Variants in RAE1 observed in about 807,000 individuals in gnomAD.
RAE1 encodes ribonucleic acid export 1.
In RAE1, 13 loss-of-function variants were observed where a neutral mutation model predicts 52.7. That is an observed-to-expected ratio of 0.25 (90% CI 0.16 to 0.39). The LOEUF (loss-of-function observed/expected upper bound fraction) is 0.39. Ranked by LOEUF, RAE1 falls within the 10% of genes least tolerant of loss-of-function variation. The pLI, the probability that RAE1 is intolerant of heterozygous loss-of-function variation, is 1.00. For synonymous variants in RAE1, 164 were observed against 153.1 expected, an observed-to-expected ratio of 1.07 and a Z score of -0.52; for missense variants, 262 against 459.8, an observed-to-expected ratio of 0.57 and a Z score of 3.93.
chr20:57,352,860 C>T (rs1046820765), intron 1 of RAE1, among the ~76,000 whole-genome samples: 1 of 152,214 alleles, frequency 6.6e-6, no homozygotes, highest in Non-Finnish European at 1.5e-5. Flanking sequence ...TGCCTTTGTT[C>T]GTTCATACAG....
intron 4 of RAE1, among the ~76,000 whole-genome samples, chr20:57,365,123 A>G (rs559631083): frequency 2.6e-5 from 4 of 152,302 alleles, no homozygotes; most frequent in Admixed American, 6.5e-5. Context: ...GTGATTTCTG[A>G]TTTTTAAAAT....
chr20:57,351,502 G>A, intron 1 of RAE1, 80 bp downstream of exon 1: 1 of 985,470 alleles, frequency 1.0e-6, no homozygotes, highest in South Asian at 4.7e-5. Flanking sequence ...CCGGGAGCGC[G>A]CTTCTGCGGG....
intron 7 of RAE1, among the ~76,000 whole-genome samples, chr20:57,367,483 C>A (rs545559781): frequency 1.3e-5 from 2 of 152,070 alleles, no homozygotes. Context: ...TAGCTCACGC[C>A]TATAATCCTA....
At chr20:57,373,621 T>A in intron 9 of RAE1, 40 bp downstream of exon 9, 1 of 1,613,470 alleles carries the variant, frequency 6.2e-7, no homozygotes, top group Non-Finnish European at 8.5e-7. Flanking sequence ...TCACTGGACT[T>A]TTTTTAACAA....
At chr20:57,356,744 T>G (rs2066793616) in intron 4 of RAE1, among the ~76,000 whole-genome samples, 1 of 152,226 alleles carries the variant, frequency 6.6e-6, no homozygotes, top group Non-Finnish European at 1.5e-5. Flanking sequence ...TATTAAATTT[T>G]GTGTGTGTGA....
At chr20:57,353,136 C>CA (rs796723295) in intron 1 of RAE1, among the ~76,000 whole-genome samples, 1 of 152,300 alleles carries the variant, frequency 6.6e-6, no homozygotes, top group East Asian at 1.9e-4. Flanking sequence ...GAGGACTTTT[C>CA]AGCGTAACAG....
At chr20:57,366,302 A>G (rs57466644) in intron 5 of RAE1, among the ~76,000 whole-genome samples, 1,844 of 152,320 alleles carry the variant, frequency 0.012, 34 homozygotes, top group African/African-American at 0.042. Context: ...ATTGCTATAA[A>G]GAAATACCTG....
intron 4 of RAE1, among the ~76,000 whole-genome samples, chr20:57,361,751 A>G (rs1192570205): frequency 6.6e-6 from 1 of 152,212 alleles, no homozygotes; most frequent in Admixed American, 6.5e-5. Flanking sequence ...GTGACTGGCT[A>G]ATAGGGTGGT....
At chr20:57,356,585 A>G in intron 4 of RAE1, 47 bp downstream of exon 4, 1 of 1,462,828 alleles carries the variant, frequency 6.8e-7, no homozygotes, top group East Asian at 2.4e-5. Context: ...TAAAGTACAG[A>G]ATGATTTAGA....
chr20:57,351,930 T>G, intron 1 of RAE1: 2 of 985,518 alleles, frequency 2.0e-6, no homozygotes, highest in Non-Finnish European at 2.4e-6. Flanking sequence ...GCAAGTAGTA[T>G]TAAACACCAG....
At chr20:57,351,838 A>T (rs1056502422) in intron 1 of RAE1, 1 of 985,282 alleles carries the variant, frequency 1.0e-6, no homozygotes, top group East Asian at 1.1e-4. Context: ...AGTCTCTGAA[A>T]CTAAGTCTGT....
chr20:57,353,395 G>A (rs2066739261), intron 1 of RAE1, among the ~76,000 whole-genome samples: 1 of 152,218 alleles, frequency 6.6e-6, no homozygotes, highest in East Asian at 1.9e-4. Context: ...CCAAACCCTG[G>A]TGGGCCTGTT....
chr20:57,374,455 C>G, intron 10 of RAE1, 152 bp from the exon 11 acceptor site: 3 of 761,646 alleles, frequency 3.9e-6, no homozygotes, highest in South Asian at 1.7e-5. Context: ...ATGGAGGAAG[C>G]CTGGATAGTT....
chr20:57,351,477 A>T (rs1279146530), intron 1 of RAE1, 55 bp downstream of exon 1: 7 of 985,298 alleles, frequency 7.1e-6, no homozygotes, highest in Non-Finnish European at 7.2e-6. Context: ...GCTCCCGCAG[A>T]GGCCGAGTTG....
At chr20:57,368,665 C>G in intron 7 of RAE1, 40 bp from the exon 8 acceptor site, 1 of 1,442,144 alleles carries the variant, frequency 6.9e-7, no homozygotes, top group East Asian at 2.3e-5. Context: ...CAGCACACTC[C>G]TTCACCTGAA....
intron 8 of RAE1, 60 bp downstream of exon 8, chr20:57,368,872 C>A: frequency 1.5e-6 from 2 of 1,355,806 alleles, no homozygotes; most frequent in Non-Finnish European, 2.1e-6. Flanking sequence ...CAAGATTGTG[C>A]TCACATCTGG....
intron 1 of RAE1, chr20:57,352,032 G>A (rs78114275): frequency 5.3e-6 from 5 of 940,500 alleles, no homozygotes; most frequent in Non-Finnish European, 5.1e-6. Flanking sequence ...CAGCATTCTG[G>A]GGGGGAAGAG....
intron 10 of RAE1, 152 bp from the exon 11 acceptor site, chr20:57,374,455 C>T: frequency 1.3e-6 from 1 of 761,646 alleles, no homozygotes; most frequent in Non-Finnish European, 2.2e-6. Flanking sequence ...ATGGAGGAAG[C>T]CTGGATAGTT....
intron 11 of RAE1, among the ~76,000 whole-genome samples, chr20:57,376,735 C>G (rs2146184334): frequency 6.6e-6 from 1 of 152,326 alleles, no homozygotes; most frequent in Non-Finnish European, 1.5e-5. Flanking sequence ...CCTCAGCTCC[C>G]ACATCGGGCT....
Sources: allele counts gnomAD v4.1 joint callset (sites outside exome capture counted in the v4.1 genomes callset), GRCh38; gene constraint gnomAD v4.1.1; transcripts MANE v1.5; gene names NCBI Gene and HGNC (gene_info 2026-07-23, HGNC 2026-07-21).